Variants in MGAT4C observed in about 807,000 individuals in gnomAD.
The protein encoded by MGAT4C is alpha-1,3-mannosyl-glycoprotein 4-beta-N-acetylglucosaminyltransferase C.
A neutral mutation model predicts 40.1 loss-of-function variants in MGAT4C; 19 were observed. The ratio of observed to expected loss-of-function variants is 0.47; its 90% CI spans 0.33 to 0.70. The LOEUF is 0.70. Among genes scored for constraint, MGAT4C ranks in the 30% least tolerant of loss-of-function variants. MGAT4C has a pLI of 0.02. For missense variants in MGAT4C, 491 were observed against 563.2 expected (o/e 0.87, Z 1.30); for synonymous variants, 181 against 187.1 (o/e 0.97, Z 0.27).
chr12:86,081,274 T>C (rs1870793404), intron 1 of MGAT4C, among the ~76,000 whole-genome samples: 1 of 152,322 alleles, frequency 6.6e-6, no homozygotes, highest in Non-Finnish European at 1.5e-5. Flanking sequence ...ATGAATTGAC[T>C]TTTATTGTCA....
rs752559558 is a variant in MGAT4C at position 85,977,531 on chromosome 12, G to T, written c.*1758C>A. ...ATTAATATTTAGCCTCTTATGAAAGGTTCGTTTTTCTTCTAACACTTTAGT... is the reference window on the plus strand; with the variant it reads ...ATTAATATTTAGCCTCTTATGAAAGTTTCGTTTTTCTTCTAACACTTTAGT... On this transcript the variant is annotated 3_prime_UTR_variant, in exon 5 of 5. Coordinates refer to ENST00000611864, the MANE Select transcript of MGAT4C (RefSeq NM_001351288.2). 1.1e-4 allele frequency: 16 copies of T among 151,292 alleles called. No homozygotes were observed. Among genetic ancestry groups the T allele is most frequent in the Non-Finnish European group, 1.8e-4 (12 of 67,482 alleles). The allele number at this position is 151,292 out of a possible 1,614,324, so 9.4% of individuals were successfully genotyped here. A position where few individuals can be genotyped will look rare whatever the true frequency, so the allele number is the denominator to read the frequency against.
chr12:86,669,211 A>G (rs1053526619), intron 2 of MGAT4C, among the ~76,000 whole-genome samples: 1 of 152,054 alleles, frequency 6.6e-6, no homozygotes, highest in Non-Finnish European at 1.5e-5. Context: ...TTAGTGCAAC[A>G]GGGCCTTCTC....
intron 2 of MGAT4C, among the ~76,000 whole-genome samples, chr12:86,491,438 T>G (rs139779928): frequency 0.019 from 2,856 of 152,114 alleles, 35 homozygotes; most frequent in Non-Finnish European, 0.029. Flanking sequence ...ATCAAAAAGC[T>G]TATCCACCAA....
At chr12:86,051,652 T>C (rs1277571728) in intron 1 of MGAT4C, among the ~76,000 whole-genome samples, 1 of 151,496 alleles carries the variant, frequency 6.6e-6, no homozygotes, top group Non-Finnish European at 1.5e-5. Flanking sequence ...AGAAAAAGAG[T>C]ATGAATGAAA....
intron 1 of MGAT4C, among the ~76,000 whole-genome samples, chr12:86,237,747 T>A (rs1015065499): frequency 2.0e-5 from 3 of 151,844 alleles, no homozygotes; most frequent in Non-Finnish European, 4.4e-5. Context: ...AGATACGACA[T>A]TAGGGACGAT....
At chr12:86,203,485 C>G (rs1230689906) in intron 1 of MGAT4C, among the ~76,000 whole-genome samples, 2 of 151,990 alleles carry the variant, frequency 1.3e-5, no homozygotes, top group East Asian at 1.9e-4. Flanking sequence ...ATTTTGGAAT[C>G]CTTCTTTTGC....
intron 2 of MGAT4C, among the ~76,000 whole-genome samples, chr12:86,701,720 C>A (rs1950367777): frequency 2.0e-5 from 3 of 152,042 alleles, no homozygotes; most frequent in Admixed American, 2.0e-4. Context: ...CACCAAAACC[C>A]AAAACAGGCT....
chr12:86,278,225 G>T (rs1306724559), intron 4 of MGAT4C, among the ~76,000 whole-genome samples: 1 of 127,312 alleles, frequency 7.9e-6, no homozygotes, highest in African/African-American at 2.9e-5. Flanking sequence ...TGTTGCCCAG[G>T]CTGCAGTTCA....
chr12:86,341,956 A>T (rs1954915151), intron 3 of MGAT4C, among the ~76,000 whole-genome samples: 1 of 152,164 alleles, frequency 6.6e-6, no homozygotes, highest in Non-Finnish European at 1.5e-5. Context: ...GCCTGAGGTG[A>T]CAGAGGGCTG....
intron 2 of MGAT4C, among the ~76,000 whole-genome samples, chr12:86,552,752 G>A (rs1448199955): frequency 6.6e-6 from 1 of 152,052 alleles, no homozygotes; most frequent in African/African-American, 2.4e-5. Flanking sequence ...ATTAATGTCT[G>A]TGAAATAAGC....
At chr12:86,292,352 G>T (rs981297517) in intron 4 of MGAT4C, among the ~76,000 whole-genome samples, 6 of 151,434 alleles carry the variant, frequency 4.0e-5, no homozygotes, top group African/African-American at 1.2e-4. Context: ...CTAGAAAGAG[G>T]TTTAAGCTTT....
intron 1 of MGAT4C, among the ~76,000 whole-genome samples, chr12:86,154,916 C>T (rs1025226713): frequency 5.3e-5 from 8 of 151,932 alleles, no homozygotes; most frequent in African/African-American, 1.7e-4. Flanking sequence ...GCTCATATTA[C>T]GGTGGAAATA....
At chr12:86,164,987 T>C (rs1458509831) in intron 1 of MGAT4C, among the ~76,000 whole-genome samples, 1 of 152,196 alleles carries the variant, frequency 6.6e-6, no homozygotes, top group Non-Finnish European at 1.5e-5. Flanking sequence ...ATTGAATATC[T>C]GGGACATATG....
chr12:85,984,190 T>G (rs1388615905), intron 3 of MGAT4C, among the ~76,000 whole-genome samples: 7 of 152,178 alleles, frequency 4.6e-5, no homozygotes, highest in Non-Finnish European at 5.9e-5. Flanking sequence ...AATATTTGGA[T>G]TTTTGATACT....
At chr12:86,091,386 C>T (rs1032795092) in intron 1 of MGAT4C, among the ~76,000 whole-genome samples, 2 of 151,958 alleles carry the variant, frequency 1.3e-5, no homozygotes, top group African/African-American at 2.4e-5. Flanking sequence ...CATGAGAATA[C>T]TTAGGATATT....
intron 1 of MGAT4C, among the ~76,000 whole-genome samples, chr12:86,226,287 C>T (rs1210695971): frequency 6.6e-6 from 1 of 151,736 alleles, no homozygotes; most frequent in Non-Finnish European, 1.5e-5. Flanking sequence ...CCTATCAGAA[C>T]CATAGAATTT....
intron 2 of MGAT4C, among the ~76,000 whole-genome samples, chr12:86,572,369 C>G (rs1162099534): frequency 1.3e-5 from 2 of 152,074 alleles, no homozygotes; most frequent in Non-Finnish European, 2.9e-5. Context: ...ATCAGTCATA[C>G]AATCCTGTGG....
At chr12:86,450,948 TTAAG>T (rs1181910762) in intron 2 of MGAT4C, among the ~76,000 whole-genome samples, 1 of 152,144 alleles carries the variant, frequency 6.6e-6, no homozygotes, top group East Asian at 1.9e-4. Flanking sequence ...TTCTTCTACA[TTAAG>T]TGTTATTTTG....
intron 2 of MGAT4C, among the ~76,000 whole-genome samples, chr12:86,538,146 T>G (rs938729813): frequency 1.3e-5 from 2 of 152,112 alleles, no homozygotes; most frequent in Non-Finnish European, 2.9e-5. Context: ...GAAAGCCTAA[T>G]TTTTAAAAAG....
Sources: gnomAD v4.1 joint callset for allele counts (sites outside exome capture counted in the v4.1 genomes callset) on GRCh38, gnomAD v4.1.1 for gene constraint, MANE v1.5 for transcripts, NCBI Gene and HGNC (gene_info 2026-07-23, HGNC 2026-07-21) for gene names.